PRPH: variants seen among roughly 807,000 people sequenced by gnomAD.
PRPH encodes the protein peripherin.
PRPH carries 48 observed loss-of-function variants against 52.6 expected under a neutral mutation model. The observed-to-expected ratio is 0.91, with a 90% CI of 0.72 to 1.16. The LOEUF is 1.16. PRPH is among the 50% of genes most tolerant of loss of function. The pLI is 0.00. For synonymous variants in PRPH, 279 were observed against 283.8 expected (o/e 0.98, Z 0.17); for missense variants, 579 against 635.7 (o/e 0.91, Z 0.96).
chr12:49,296,745 CG>C lies in PRPH; in HGVS notation c.703-143del. On this transcript the variant is annotated intron_variant, in intron 3 of 8. Coordinates refer to ENST00000257860, the MANE Select transcript of PRPH (RefSeq NM_006262.4). This position sits in a 1 kb window ranked among gnomAD's most constrained non-coding sequence, Gnocchi z 5.1. ...GAAACCTGGCCTCTGGTCTCGCGCCCGCGGGGGCGCAGGGCTGTACGCCCTG... is the reference window on the plus strand; with the variant it reads ...GAAACCTGGCCTCTGGTCTCGCGCCCCGGGGGCGCAGGGCTGTACGCCCTG... 8 of 1,350,130 alleles carry C rather than the reference CG, an allele frequency of 5.9e-6. No homozygotes were observed. The highest frequency in any genetic ancestry group is 8.0e-6 in the Non-Finnish European group (8 of 995,008). The allele number at this position is 1,350,130 out of a possible 1,614,324, so 83.6% of individuals were successfully genotyped here.
rs996424223 is a variant in PRPH at position 49,298,273 on chromosome 12, C to T, written c.1348-15C>T. On this transcript the variant is annotated splice_polypyrimidine_tract_variant and intron_variant, in intron 8 of 8. Transcript: ENST00000257860. ...CTGAATGGCTTGTGCCCATCATATGCCCTGTCCCCAGCAGGTGGTGACAGA... is the reference window on the plus strand; with the variant it reads ...CTGAATGGCTTGTGCCCATCATATGTCCTGTCCCCAGCAGGTGGTGACAGA... 8 of 1,613,790 alleles carry T rather than the reference C, an allele frequency of 5.0e-6. No individual in the cohort carries two copies. The highest frequency in any genetic ancestry group is 6.8e-6 in the Non-Finnish European group (8 of 1,179,924).
At position 49,295,356 on chromosome 12, in the gene PRPH, C is replaced by G; in HGVS notation, c.156C>G (p.Ser52Arg). The G allele has an allele frequency of 2.5e-6, 4 of 1,609,824 alleles. No individual in the cohort carries two copies. Among genetic ancestry groups the G allele is most frequent in the Non-Finnish European group, 1.7e-6 (2 of 1,178,990 alleles). ...SSRLLGSASPSSSVRLGSFRS... is the reference protein window; with the variant it reads ...SSRLLGSASPRSSVRLGSFRS... The stretch of plus-strand genomic sequence containing the variant: ...GCCTGCTGGGCTCCGCGTCCCCGAG[C>G]TCCTCGGTGCGCCTGGGCAGCTTCC... Residue 52 changes from serine to arginine, a missense_variant, in exon 1 of 9, where the codon AGC (serine) becomes AGG (arginine). Transcript: ENST00000257860.
chr12:49,296,954 G>A lies in PRPH; in HGVS notation c.768G>A (p.Thr256=), dbSNP rs767561514. 4.3e-6 allele frequency: 7 copies of A among 1,613,644 alleles called. No homozygotes were observed. The highest frequency in any genetic ancestry group is 3.3e-5 in the Admixed American group (2 of 60,014). The part of the protein sequence containing the change: ...QQVQQVEVEA[T]VKPELTAALR... ...TGCAGCAGGTGGAGGTGGAAGCCAC[G>A]GTGAAGCCCGAGCTGACGGCAGCGC... Residue 256 remains threonine, a synonymous_variant, in exon 4 of 9, where the codon ACG becomes ACA. Transcript: ENST00000257860. The surrounding 1 kb of genome is among the most constrained non-coding windows in gnomAD (Gnocchi z 5.1).
chr12:49,296,401 T>C lies in PRPH; in HGVS notation c.607-31T>C. On this transcript the variant is annotated intron_variant, in intron 2 of 8. Transcript: ENST00000257860. This position sits in a 1 kb window ranked among gnomAD's most constrained non-coding sequence, Gnocchi z 5.1. Reference sequence around the variant, plus strand: ...TCCTTGGTCTGCGCAGCCCCTAACTTATCTTGAACCTCCACTGCCACCCCT... The same window carrying C: ...TCCTTGGTCTGCGCAGCCCCTAACTCATCTTGAACCTCCACTGCCACCCCT... 1.2e-6 allele frequency: 2 copies of C among 1,609,318 alleles called. No individual in the cohort carries two copies. The highest frequency in any genetic ancestry group is 1.7e-6 in the Non-Finnish European group (2 of 1,175,910).
chr12:49,295,670 T>A lies in PRPH; in HGVS notation c.470T>A (p.Leu157Gln). ...CGCGAGCTGCGGCGAGAGCTGGAGC[T>A]GTTGGGCCGCGAGCGTGACCGGGTG... Reference protein sequence around the residue: ...ELRELRRELELLGRERDRVQV... With the variant: ...ELRELRRELEQLGRERDRVQV... Residue 157 changes from leucine (L) to glutamine (Q), a missense_variant, in exon 1 of 9, where the codon CTG (leucine) becomes CAG (glutamine). Transcript: ENST00000257860. The A allele has an allele frequency of 1.3e-6, 2 of 1,535,944 alleles. No homozygotes were observed. The highest frequency in any genetic ancestry group is 1.7e-6 in the Non-Finnish European group (2 of 1,144,382).
Position 49,296,259 on chromosome 12 carries a change from G to C in PRPH, c.606+21G>C, listed in dbSNP as rs1943178110. 6.2e-7 allele frequency: 1 copy of C among 1,612,054 alleles called. No homozygotes were observed. Among genetic ancestry groups the C allele is most frequent in the Non-Finnish European group, 8.5e-7 (1 of 1,179,348 alleles). ...GCAAGGTGAGTCCGAGCCCCTCTCC[G>C]AGTTCAGCCTCCCCACCGCTACCCC... On this transcript the variant is annotated intron_variant, in intron 2 of 8. Coordinates refer to ENST00000257860, the MANE Select transcript of PRPH (RefSeq NM_006262.4). The surrounding 1 kb of genome is among the most constrained non-coding windows in gnomAD (Gnocchi z 5.1).
At position 49,297,269 on chromosome 12, in the gene PRPH, G is replaced by A. The variant is rs563743745; in HGVS notation, c.992G>A (p.Gly331Asp). ...ACGTGCGAGGTGGACGGGCTGCGCG[G>A]CACGGTGAGTACGAAGCTGCGCGCT... ...SLTCEVDGLRGTNEALLRQLR... is the reference protein window; with the variant it reads ...SLTCEVDGLRDTNEALLRQLR... Residue 331 changes from glycine (G) to aspartate (D), a missense_variant, in exon 5 of 9, where the codon GGC becomes GAC. Transcript: ENST00000257860. The surrounding 1 kb of genome is among the most constrained non-coding windows in gnomAD (Gnocchi z 4.4). The A allele has an allele frequency of 1.2e-6, 2 of 1,613,990 alleles. No individual in the cohort carries two copies. The highest frequency in any genetic ancestry group is 1.7e-5 in the Admixed American group (1 of 60,018).
Position 49,297,930 on chromosome 12 carries a change from CT to C in PRPH, c.1268-26del, listed in dbSNP as rs1303748692. On this transcript the variant is annotated intron_variant, in intron 7 of 8. Transcript: ENST00000257860. This position sits in a 1 kb window ranked among gnomAD's most constrained non-coding sequence, Gnocchi z 4.4. The stretch of plus-strand genomic sequence containing the variant: ...GAGGAGAGATTCCCACGCCTTCCCC[CT>C]TGAACCCTTTATCCTGCTTTCTTCA... 1.2e-6 allele frequency: 2 copies of C among 1,613,068 alleles called. No homozygotes were observed. The highest frequency in any genetic ancestry group is 3.3e-5 in the Admixed American group (2 of 60,006).
chr12:49,295,271 C>T lies in PRPH; in HGVS notation c.71C>T (p.Pro24Leu), dbSNP rs1338698424. The change falls in exon 1 of 9, where the codon CCG (proline) becomes CTG (leucine). Residue 24 changes from proline (P) to leucine (L), a missense_variant. Physicochemically the swap from Pro to Leu is moderately conservative, Grantham distance 98. Coordinates refer to ENST00000257860, the MANE Select transcript of PRPH (RefSeq NM_006262.4). Reference protein sequence around the residue: ...STSYRRTFGPPPSLSPGAFSY... With the variant: ...STSYRRTFGPLPSLSPGAFSY... ...TCATACCGCCGTACCTTCGGTCCAC[C>T]GCCCTCACTATCCCCCGGGGCCTTC... is the stretch of plus-strand genomic sequence containing the variant. 7.4e-6 allele frequency: 12 copies of T among 1,611,780 alleles called. No homozygotes were observed. Among genetic ancestry groups the T allele is most frequent in the African/African-American group, 1.3e-5 (1 of 74,916 alleles).
At position 49,296,347 on chromosome 12, in the gene PRPH, C is replaced by G; in HGVS notation, c.607-85C>G. On this transcript the variant is annotated intron_variant, in intron 2 of 8. Coordinates refer to ENST00000257860, the MANE Select transcript of PRPH (RefSeq NM_006262.4). The surrounding 1 kb of genome is among the most constrained non-coding windows in gnomAD (Gnocchi z 5.1). ...GGAGAAGGGGGTAACCCAGATGCCT[C>G]CTGAGGCAGACAGGGAAGGCCTGGT... The G allele has an allele frequency of 6.4e-7, 1 of 1,569,654 alleles. No individual in the cohort carries two copies. Among genetic ancestry groups the G allele is most frequent in the Non-Finnish European group, 8.7e-7 (1 of 1,143,292 alleles).
chr12:49,296,762 G>C lies in PRPH; in HGVS notation c.703-127G>C, dbSNP rs975111578. The C allele has an allele frequency of 8.4e-6, 12 of 1,426,356 alleles. No individual in the cohort carries two copies. The highest frequency in any genetic ancestry group is 2.8e-5 in the African/African-American group (2 of 70,562). 88.4% of individuals were successfully genotyped at this position (1,426,356 alleles called of 1,614,324 possible). A position where few individuals can be genotyped will look rare whatever the true frequency, so the allele number is the denominator to read the frequency against. ...CTCGCGCCCGCGGGGGCGCAGGGCT[G>C]TACGCCCTGCCCTCCCTGGCGCCCA... is the stretch of plus-strand genomic sequence containing the variant. On this transcript the variant is annotated intron_variant, in intron 3 of 8. Transcript: ENST00000257860. The surrounding 1 kb of genome is among the most constrained non-coding windows in gnomAD (Gnocchi z 5.1).
rs970792017 is a variant in PRPH at position 49,298,624 on chromosome 12, G to A, written c.*271G>A. ...GACAAATCTACTCCAGCCACGATGA[G>A]AAGTGGGTGAGCCAGGGTCTGAGTT... On this transcript the variant is annotated 3_prime_UTR_variant, in exon 9 of 9. Transcript: ENST00000257860. The A allele has an allele frequency of 2.0e-6, 1 of 506,980 alleles. No homozygotes were observed. The highest frequency in any genetic ancestry group is 3.6e-6 in the Non-Finnish European group (1 of 278,354). 31.4% of individuals were successfully genotyped at this position (506,980 alleles called of 1,614,324 possible).
Position 49,296,835 on chromosome 12 carries a change from TGGCCC to T in PRPH, c.703-52_703-48del. 1 of 1,569,292 alleles carries T rather than the reference TGGCCC, an allele frequency of 6.4e-7. No individual in the cohort carries two copies. Among genetic ancestry groups the T allele is most frequent in the Non-Finnish European group, 8.6e-7 (1 of 1,157,118 alleles). On this transcript the variant is annotated intron_variant, in intron 3 of 8. Transcript: ENST00000257860. The surrounding 1 kb of genome is among the most constrained non-coding windows in gnomAD (Gnocchi z 5.1). ...TTCTCTTTTCTGTGCACGAACTGCG[TGGCCC>T]GCGTGGAATTTGCGCCGCTGTCCAT... is the stretch of plus-strand genomic sequence containing the variant.
In PRPH at chr12:49,295,759, G is replaced by A. The variant is rs1943169337; in HGVS notation, c.545+14G>A. The A allele has an allele frequency of 6.8e-7, 1 of 1,465,676 alleles. No homozygotes were observed. Among genetic ancestry groups the A allele is most frequent in the Non-Finnish European group, 8.9e-7 (1 of 1,118,258 alleles). 90.8% of individuals were successfully genotyped at this position (1,465,676 alleles called of 1,614,324 possible). On this transcript the variant is annotated intron_variant, in intron 1 of 8. Coordinates refer to ENST00000257860, the MANE Select transcript of PRPH (RefSeq NM_006262.4). ...GCTCAAGCAGAGGTCAGGGGGCAGG[G>A]CTGGGCCGCTGCCGTCGAGGCGAGG...
At position 49,296,765 on chromosome 12, in the gene PRPH, C is replaced by A; in HGVS notation, c.703-124C>A. On this transcript the variant is annotated intron_variant, in intron 3 of 8. Coordinates refer to ENST00000257860, the MANE Select transcript of PRPH (RefSeq NM_006262.4). This position sits in a 1 kb window ranked among gnomAD's most constrained non-coding sequence, Gnocchi z 5.1. ...GCGCCCGCGGGGGCGCAGGGCTGTA[C>A]GCCCTGCCCTCCCTGGCGCCCACTT... 1 of 1,425,064 alleles carries A rather than the reference C, an allele frequency of 7.0e-7. No homozygotes were observed. The highest frequency in any genetic ancestry group is 9.5e-7 in the Non-Finnish European group (1 of 1,047,390). 88.3% of individuals were successfully genotyped at this position (1,425,064 alleles called of 1,614,324 possible). A position where few individuals can be genotyped will look rare whatever the true frequency, so the allele number is the denominator to read the frequency against.
chr12:49,295,834 T>C (rs1411087238), intron 1 of PRPH, 89 bp downstream of exon 1: 6 of 1,436,824 alleles, frequency 4.2e-6, no homozygotes, highest in African/African-American at 1.4e-5. Context: ...GCTTCCCCTC[T>C]CCATCAGCAG....
In PRPH at chr12:49,295,732, G is replaced by A; in HGVS notation, c.532G>A (p.Ala178Thr). The change falls in exon 1 of 9, where the codon GCG becomes ACG. Residue 178 changes from alanine (A) to threonine (T), a missense_variant. Coordinates refer to ENST00000257860, the MANE Select transcript of PRPH (RefSeq NM_006262.4). ...ERDGLAEDLA[A>T]LKQRLEEETR... ...CGACGGGCTGGCGGAGGACCTGGCG[G>A]CGCTCAAGCAGAGGTCAGGGGGCAG... 5 of 1,513,680 alleles carry A rather than the reference G, an allele frequency of 3.3e-6. No homozygotes were observed. Among genetic ancestry groups the A allele is most frequent in the Non-Finnish European group, 3.5e-6 (4 of 1,137,568 alleles). The allele number at this position is 1,513,680 out of a possible 1,614,324, so 93.8% of individuals were successfully genotyped here. A position where few individuals can be genotyped will look rare whatever the true frequency, so the allele number is the denominator to read the frequency against.
Position 49,298,539 on chromosome 12 carries a change from G to C in PRPH, c.*186G>C, listed in dbSNP as rs554848966. The C allele has an allele frequency of 1.2e-4, 77 of 631,218 alleles. No individual in the cohort carries two copies. Among genetic ancestry groups the C allele is most frequent in the Non-Finnish European group, 1.9e-4 (66 of 352,878 alleles). 39.1% of individuals were successfully genotyped at this position (631,218 alleles called of 1,614,324 possible). ...TGGGCCTCTCCCTGCCCTGACACTT[G>C]ATGTGACCTATGTGCTTCCCTTTTC... is the stretch of plus-strand genomic sequence containing the variant. On this transcript the variant is annotated 3_prime_UTR_variant, in exon 9 of 9. Coordinates refer to ENST00000257860, the MANE Select transcript of PRPH (RefSeq NM_006262.4).
In PRPH at chr12:49,298,594, C is replaced by G. The variant is rs1479565281; in HGVS notation, c.*241C>G. ...CCCGATAAGAAGCCAATGATCCCCC[C>G]TCAGGACAAATCTACTCCAGCCACG... On this transcript the variant is annotated 3_prime_UTR_variant, in exon 9 of 9. Transcript: ENST00000257860. 4 of 551,424 alleles carry G rather than the reference C, an allele frequency of 7.3e-6. No individual in the cohort carries two copies. The East Asian group carries it at 1.2e-4, about 17-fold the overall frequency. The allele number at this position is 551,424 out of a possible 1,614,324, so 34.2% of individuals were successfully genotyped here. A position where few individuals can be genotyped will look rare whatever the true frequency, so the allele number is the denominator to read the frequency against.
Sources: gnomAD v4.1 joint callset for allele counts on GRCh38, gnomAD v4.1.1 for gene constraint, Gnocchi (gnomAD v3.1) non-coding constraint, MANE v1.5 for transcripts, NCBI Gene and HGNC (gene_info 2026-07-23, HGNC 2026-07-21) for gene names.